The following CCDC82 variants were observed in gnomAD, a reference collection of about 807,000 sequenced individuals.
CCDC82 encodes coiled-coil domain-containing protein 82.
A neutral mutation model predicts 60.6 loss-of-function variants in CCDC82; 47 were observed. That is an observed-to-expected ratio of 0.77 (90% CI 0.61 to 0.99). CCDC82 has a LOEUF of 0.99. Among genes scored for constraint, CCDC82 ranks in the 50% least tolerant of loss-of-function variants. The probability of loss-of-function intolerance (pLI) is 0.00; values close to 1 mark genes in which losing one functional copy is unlikely to be tolerated. For missense variants in CCDC82, 588 were observed against 633.0 expected (o/e 0.93, Z 0.76); for synonymous variants, 212 against 207.4 (o/e 1.02, Z -0.19).
At chr11:96,375,615 T>A (rs147024258) in intron 5 of CCDC82, among the ~76,000 whole-genome samples, 38 of 152,370 alleles carry the variant, frequency 2.5e-4, no homozygotes, top group African/African-American at 9.1e-4. Context: ...TATCCTAGAT[T>A]CATTTCTGGT....
At chr11:96,372,641 A>AAT (rs561293665) in intron 6 of CCDC82, among the ~76,000 whole-genome samples, 5 of 145,130 alleles carry the variant, frequency 3.4e-5, no homozygotes, top group Non-Finnish European at 6.0e-5. Flanking sequence ...TATAAATATA[A>AAT]ATATATATAT....
At position 96,384,551 on chromosome 11, in the gene CCDC82, T is replaced by C. The variant is rs760923576; in HGVS notation, c.197A>G (p.Glu66Gly). The C allele has an allele frequency of 6.2e-7, 1 of 1,613,690 alleles. No homozygotes were observed. The highest frequency in any genetic ancestry group is 1.1e-5 in the South Asian group (1 of 91,054). The stretch of plus-strand genomic sequence containing the variant: ...ATCAGGTCCCTTGTTACTATCAAGC[T>C]CTTCATCATTTTCAAAACTTTCATC... ...DSDESFENDEELDSNKGPDCN... is the reference protein window; with the variant it reads ...DSDESFENDEGLDSNKGPDCN... The change falls in exon 4 of 10, where the codon GAG becomes GGG. Residue 66 changes from glutamate (E) to glycine (G), a missense_variant. Physicochemically the swap from Glu to Gly is moderately conservative, Grantham distance 98. Transcript: ENST00000646818.
chr11:96,373,381 A>C lies in CCDC82; in HGVS notation c.1078T>G (p.Leu360Val). The change falls in exon 6 of 10, where the codon TTA becomes GTA. Residue 360 changes from leucine (L) to valine (V), a missense_variant. Coordinates refer to ENST00000646818, the MANE Select transcript of CCDC82 (RefSeq NM_024725.4). ...NALDESFLGT[L>V]YDGTRQKSYA... Reference sequence around the variant, plus strand: ...ATTCATAGTATTAACTTACCATATAATGTTCCCAGAAAAGATTCATCTAAA... The same window carrying C: ...ATTCATAGTATTAACTTACCATATACTGTTCCCAGAAAAGATTCATCTAAA... 6.3e-7 allele frequency: 1 copy of C among 1,592,074 alleles called. No individual in the cohort carries two copies. The highest frequency in any genetic ancestry group is 8.6e-7 in the Non-Finnish European group (1 of 1,163,130).
chr11:96,389,307 G>A (rs1027798375), intron 1 of CCDC82: 20 of 152,210 alleles, frequency 1.3e-4, no homozygotes, highest in African/African-American at 4.6e-4. Flanking sequence ...GTGGTAGACA[G>A]TGGAATAGAT....
intron 5 of CCDC82, among the ~76,000 whole-genome samples, chr11:96,374,243 T>C (rs1384037968): frequency 6.6e-6 from 1 of 152,166 alleles, no homozygotes; most frequent in Non-Finnish European, 1.5e-5. Flanking sequence ...GCAGACTGAG[T>C]ATTTCGAGAA....
At chr11:96,358,736 G>C (rs1020303598) in intron 9 of CCDC82, 23 of 993,804 alleles carry the variant, frequency 2.3e-5, no homozygotes, top group Non-Finnish European at 3.0e-5. Flanking sequence ...CGAAAGGACA[G>C]AGGTCCTTCA....
At chr11:96,358,381 C>T in intron 9 of CCDC82, 2 of 1,222,888 alleles carry the variant, frequency 1.6e-6, no homozygotes, top group Non-Finnish European at 2.0e-6. Context: ...ATCCAGTGCA[C>T]TCTTCAAAAC....
intron 7 of CCDC82, among the ~76,000 whole-genome samples, chr11:96,370,349 TATTAAA>T (rs1261960813): frequency 3.9e-5 from 6 of 152,216 alleles, no homozygotes; most frequent in African/African-American, 1.4e-4. Flanking sequence ...CATCCTCTGC[TATTAAA>T]GATCATAAAA....
At chr11:96,383,724 G>A (rs747454426) in intron 4 of CCDC82, among the ~76,000 whole-genome samples, 5 of 151,788 alleles carry the variant, frequency 3.3e-5, no homozygotes, top group Non-Finnish European at 5.9e-5. Flanking sequence ...TTAAAAACAA[G>A]AAAGATCATA....
At chr11:96,382,241 T>C (rs1865912021) in intron 5 of CCDC82, 1 of 151,884 alleles carries the variant, frequency 6.6e-6, no homozygotes, top group South Asian at 2.1e-4. Flanking sequence ...TATTCAGACT[T>C]GGGAATCTGT....
intron 5 of CCDC82, among the ~76,000 whole-genome samples, chr11:96,375,207 T>C (rs1464259294): frequency 1.3e-5 from 2 of 152,154 alleles, no homozygotes; most frequent in Admixed American, 6.5e-5. Flanking sequence ...ATCATACAAA[T>C]TGCATAGAAT....
At chr11:96,375,647 A>G (rs1042510695) in intron 5 of CCDC82, among the ~76,000 whole-genome samples, 4 of 152,220 alleles carry the variant, frequency 2.6e-5, no homozygotes, top group Non-Finnish European at 4.4e-5. Context: ...AAATATAGAG[A>G]GGATGAAAAA....
At chr11:96,379,807 C>A (rs745485579) in intron 5 of CCDC82, among the ~76,000 whole-genome samples, 1 of 151,734 alleles carries the variant, frequency 6.6e-6, no homozygotes, top group Non-Finnish European at 1.5e-5. Flanking sequence ...ACAAATTAGG[C>A]TTTATGTTCA....
intron 7 of CCDC82, among the ~76,000 whole-genome samples, chr11:96,367,952 C>T (rs1029235000): frequency 6.6e-6 from 1 of 151,350 alleles, no homozygotes; most frequent in Non-Finnish European, 1.5e-5. Context: ...TCCCCAGTAG[C>T]TGGAATTACA....
chr11:96,363,479 T>C (rs1410364273), intron 8 of CCDC82: 2 of 152,214 alleles, frequency 1.3e-5, no homozygotes, highest in Non-Finnish European at 2.9e-5. Flanking sequence ...CGTTTACATA[T>C]AGTTATATAC....
chr11:96,389,391 C>CGCCCGCTA (rs1866406983), intron 1 of CCDC82: 1 of 152,224 alleles, frequency 6.6e-6, no homozygotes, highest in Non-Finnish European at 1.5e-5. Context: ...AGGAACCCAG[C>CGCCCGCTA]GCCCGCTAGC....
intron 4 of CCDC82, 103 bp downstream of exon 4, chr11:96,383,859 G>T: frequency 1.9e-6 from 2 of 1,027,804 alleles, no homozygotes; most frequent in East Asian, 2.6e-5. Flanking sequence ...ATAAATTCTA[G>T]AATTATTGAG....
At chr11:96,373,304 T>C in intron 6 of CCDC82, 71 bp downstream of exon 6, 1 of 963,396 alleles carries the variant, frequency 1.0e-6, no homozygotes, top group Non-Finnish European at 1.6e-6. Flanking sequence ...TACATAGTTT[T>C]AAAAGTGAGG....
At chr11:96,360,296 G>A (rs1361718909) in intron 8 of CCDC82, among the ~76,000 whole-genome samples, 4 of 150,120 alleles carry the variant, frequency 2.7e-5, no homozygotes, top group South Asian at 2.1e-4. Context: ...TCTACATTCC[G>A]GTTTCCCTGC....
Sources: allele counts gnomAD v4.1 joint callset (sites outside exome capture counted in the v4.1 genomes callset), GRCh38; gene constraint gnomAD v4.1.1; transcripts MANE v1.5; gene names NCBI Gene and HGNC (gene_info 2026-07-23, HGNC 2026-07-21).